Variants in FMN2 observed in about 807,000 individuals in gnomAD.
FMN2 encodes the protein formin-2.
A neutral mutation model predicts 142.3 loss-of-function variants in FMN2; 51 were observed. That is an observed-to-expected ratio of 0.36 (90% CI 0.29 to 0.45). The LOEUF is 0.45. FMN2 is among the 20% of genes least tolerant of loss of function. FMN2 has a pLI of 1.00. For synonymous variants in FMN2, 882 were observed against 869.8 expected (o/e 1.01, Z -0.25); for missense variants, 1,936 against 2,122.8 (o/e 0.91, Z 1.73).
At chr1:240,279,199 G>A (rs1669316643) in intron 7 of FMN2, among the ~76,000 whole-genome samples, 2 of 152,070 alleles carry the variant, frequency 1.3e-5, no homozygotes, top group Non-Finnish European at 2.9e-5. Flanking sequence ...TTTACTATTT[G>A]CACATATTAC....
At chr1:240,474,060 C>G in intron 17 of FMN2, 68 bp from the exon 18 acceptor site, 1 of 1,388,062 alleles carries the variant, frequency 7.2e-7, no homozygotes, top group Non-Finnish European at 9.8e-7. Context: ...TTTTAGGCTA[C>G]TCTAAATTCT....
intron 6 of FMN2, chr1:240,245,485 TC>T (rs2102875266): frequency 2.1e-6 from 1 of 470,770 alleles, no homozygotes; most frequent in South Asian, 1.6e-5. Context: ...AGTCAAAGGT[TC>T]CCGTCCTGAT....
chr1:240,470,799 C>T (rs1202601843), intron 16 of FMN2, among the ~76,000 whole-genome samples: 1 of 150,672 alleles, frequency 6.6e-6, no homozygotes, highest in Admixed American at 6.6e-5. Context: ...TAAATTTTAC[C>T]TGTTAGATTA....
intron 13 of FMN2, among the ~76,000 whole-genome samples, chr1:240,346,726 C>T (rs1671920583): frequency 6.6e-6 from 1 of 150,946 alleles, no homozygotes. Flanking sequence ...AATAGGCAAC[C>T]AGTCAGGAAT....
intron 14 of FMN2, among the ~76,000 whole-genome samples, 171 bp from the exon 15 acceptor site, chr1:240,392,340 A>C (rs1481748967): frequency 6.6e-6 from 1 of 152,154 alleles, no homozygotes; most frequent in East Asian, 1.9e-4. Flanking sequence ...AATTAAGTAG[A>C]ATCATTTAAA....
intron 11 of FMN2, among the ~76,000 whole-genome samples, chr1:240,331,451 T>C (rs181979857): frequency 1.8e-4 from 28 of 152,164 alleles, no homozygotes; most frequent in African/African-American, 6.5e-4. Context: ...ATAAAAGAGT[T>C]ACATTTCTCT....
intron 16 of FMN2, among the ~76,000 whole-genome samples, chr1:240,470,989 A>G (rs989096088): frequency 3.3e-4 from 51 of 152,324 alleles, no homozygotes; most frequent in African/African-American, 1.1e-3. Context: ...AAGATAATTT[A>G]ATATATAATG....
intron 8 of FMN2, among the ~76,000 whole-genome samples, chr1:240,306,302 G>T (rs980618422): frequency 6.6e-6 from 1 of 152,012 alleles, no homozygotes; most frequent in Non-Finnish European, 1.5e-5. Context: ...AGATTCAAGG[G>T]ATACATGTGC....
chr1:240,287,150 G>A (rs1434916002), intron 7 of FMN2, among the ~76,000 whole-genome samples: 3 of 152,214 alleles, frequency 2.0e-5, no homozygotes, highest in South Asian at 4.1e-4. Flanking sequence ...ACATGTCCTC[G>A]TCGTCCTGAT....
intron 8 of FMN2, among the ~76,000 whole-genome samples, chr1:240,322,042 T>G (rs912559570): frequency 6.6e-6 from 1 of 152,102 alleles, no homozygotes; most frequent in Non-Finnish European, 1.5e-5. Flanking sequence ...CTATCAAATA[T>G]CACAGCTTTC....
intron 8 of FMN2, among the ~76,000 whole-genome samples, chr1:240,308,418 C>T (rs1353369151): frequency 3.3e-5 from 5 of 152,132 alleles, no homozygotes; most frequent in Admixed American, 2.6e-4. Flanking sequence ...TTGTCCAACT[C>T]GCTTTATTTT....
intron 2 of FMN2, among the ~76,000 whole-genome samples, chr1:240,174,280 A>G (rs1325522303): frequency 1.3e-5 from 2 of 152,218 alleles, no homozygotes; most frequent in Non-Finnish European, 2.9e-5. Flanking sequence ...AACTGTAGCT[A>G]AAATAGGTAT....
At chr1:240,196,266 T>G (rs1383126540) in intron 4 of FMN2, among the ~76,000 whole-genome samples, 1 of 152,174 alleles carries the variant, frequency 6.6e-6, no homozygotes, top group African/African-American at 2.4e-5. Context: ...GGACCAGCTA[T>G]TAAACTCTCA....
At chr1:240,312,304 T>C (rs1456201132) in intron 8 of FMN2, among the ~76,000 whole-genome samples, 1 of 152,204 alleles carries the variant, frequency 6.6e-6, no homozygotes, top group Non-Finnish European at 1.5e-5. Context: ...ACTTACCATC[T>C]CCTTCTAGTA....
intron 2 of FMN2, among the ~76,000 whole-genome samples, chr1:240,176,785 G>A (rs1183204256): frequency 6.6e-6 from 1 of 152,208 alleles, no homozygotes; most frequent in Admixed American, 6.5e-5. Flanking sequence ...GCTTAGCCAG[G>A]TCTGAAATGT....
chr1:240,428,841 C>G (rs552970761), intron 15 of FMN2, among the ~76,000 whole-genome samples: 1 of 152,182 alleles, frequency 6.6e-6, no homozygotes, highest in African/African-American at 2.4e-5. Flanking sequence ...TTGAACTTAT[C>G]TTTCCTGTCA....
chr1:240,444,508 G>C (rs1220715384), intron 16 of FMN2, among the ~76,000 whole-genome samples: 3 of 151,438 alleles, frequency 2.0e-5, no homozygotes, highest in Admixed American at 6.6e-5. Context: ...CATTAGTAAG[G>C]GTTATGTTTA....
chr1:240,348,060 A>G (rs1240879398), intron 13 of FMN2, among the ~76,000 whole-genome samples: 1 of 152,152 alleles, frequency 6.6e-6, no homozygotes. Flanking sequence ...GGGCATATAT[A>G]CGCAGTAATT....
intron 7 of FMN2, among the ~76,000 whole-genome samples, chr1:240,282,489 A>G (rs1669432878): frequency 6.6e-6 from 1 of 152,238 alleles, no homozygotes; most frequent in South Asian, 2.1e-4. Context: ...TTTGGGATCA[A>G]AAGAAGAATG....
Sources: gnomAD v4.1 joint callset for allele counts (sites outside exome capture counted in the v4.1 genomes callset) on GRCh38, gnomAD v4.1.1 for gene constraint, MANE v1.5 for transcripts, NCBI Gene and HGNC (gene_info 2026-07-23, HGNC 2026-07-21) for gene names.